Variants in DIAPH3 observed in about 807,000 individuals in gnomAD.
DIAPH3 encodes protein diaphanous homolog 3.
A neutral mutation model predicts 144.3 loss-of-function variants in DIAPH3; 117 were observed. The ratio of observed to expected loss-of-function variants is 0.81; its 90% CI spans 0.70 to 0.95. The LOEUF is 0.95. Among genes scored for constraint, DIAPH3 ranks in the 40% least tolerant of loss-of-function variants. The pLI, the probability that DIAPH3 is intolerant of heterozygous loss-of-function variation, is 0.00. For missense variants in DIAPH3, 1,421 were observed against 1,412.7 expected (o/e 1.01, Z -0.09); for synonymous variants, 519 against 488.9 (o/e 1.06, Z -0.81).
At chr13:59,977,690 C>T (rs2140652131) in intron 14 of DIAPH3, among the ~76,000 whole-genome samples, 1 of 151,682 alleles carries the variant, frequency 6.6e-6, no homozygotes, top group Non-Finnish European at 1.5e-5. Flanking sequence ...AAAAAGACTA[C>T]AGAATCCAAA....
intron 22 of DIAPH3, among the ~76,000 whole-genome samples, chr13:59,840,919 T>A (rs1399953848): frequency 6.6e-6 from 1 of 151,046 alleles, no homozygotes; most frequent in African/African-American, 2.4e-5. Flanking sequence ...TGTCTCAAAT[T>A]TAAGAATCAC....
intron 17 of DIAPH3, among the ~76,000 whole-genome samples, chr13:59,939,432 T>C (rs545813876): frequency 6.6e-6 from 1 of 152,300 alleles, no homozygotes; most frequent in East Asian, 1.9e-4. Context: ...CCCATATCAA[T>C]TACTCCGTCA....
At chr13:59,739,199 G>A (rs2036313926) in intron 27 of DIAPH3, among the ~76,000 whole-genome samples, 1 of 152,142 alleles carries the variant, frequency 6.6e-6, no homozygotes, top group South Asian at 2.1e-4. Context: ...TTAAGAATGT[G>A]ATCCTTTAGA....
At chr13:60,118,392 C>A (rs1257680258) in intron 2 of DIAPH3, among the ~76,000 whole-genome samples, 2 of 152,114 alleles carry the variant, frequency 1.3e-5, no homozygotes, top group African/African-American at 4.8e-5. Context: ...TACAATTTCA[C>A]AAGTATGAAA....
At chr13:59,993,714 A>AAAAAAAAAAAAAC (rs2051995796) in intron 9 of DIAPH3, among the ~76,000 whole-genome samples, 1 of 150,068 alleles carries the variant, frequency 6.7e-6, no homozygotes, top group Non-Finnish European at 1.5e-5. Context: ...AAAAAAAAAA[A>AAAAAAAAAAAAAC]AAAAAAAACT....
chr13:59,671,147 A>C (rs573619144), intron 27 of DIAPH3, among the ~76,000 whole-genome samples: 10 of 152,302 alleles, frequency 6.6e-5, no homozygotes, highest in African/African-American at 1.9e-4. Flanking sequence ...TTAGTTTCTA[A>C]ATGGTTGACT....
chr13:60,149,349 A>G (rs552734522), intron 1 of DIAPH3, among the ~76,000 whole-genome samples: 14 of 152,382 alleles, frequency 9.2e-5, no homozygotes, highest in Admixed American at 7.8e-4. Flanking sequence ...ATCAAGGGGC[A>G]TGCTAAGAGT....
chr13:59,827,744 A>C (rs549721243), intron 24 of DIAPH3, among the ~76,000 whole-genome samples: 58 of 152,112 alleles, frequency 3.8e-4, no homozygotes, highest in African/African-American at 1.3e-3. Flanking sequence ...AAGCAATTAG[A>C]TCAAAATCCT....
chr13:59,830,991 G>A (rs749591139), intron 24 of DIAPH3, among the ~76,000 whole-genome samples: 2 of 151,666 alleles, frequency 1.3e-5, no homozygotes, highest in African/African-American at 4.8e-5. Flanking sequence ...TAAGAGTTAG[G>A]GCCCTTAAAG....
intron 20 of DIAPH3, among the ~76,000 whole-genome samples, chr13:59,898,882 A>G (rs998119750): frequency 6.6e-6 from 1 of 152,160 alleles, no homozygotes; most frequent in Non-Finnish European, 1.5e-5. Flanking sequence ...TTAACATTTG[A>G]GTAGGTGGAC....
chr13:60,105,099 C>CAA (rs60853102), intron 3 of DIAPH3, among the ~76,000 whole-genome samples: 570 of 41,784 alleles, frequency 0.014, 46 homozygotes, highest in Non-Finnish European at 0.021. Context: ...GACACGATCT[C>CAA]AAAAAAAAAA....
rs1351745433 is a variant in DIAPH3 at position 59,856,615 on chromosome 13, T to C, written c.2737+4792A>G. 4.6e-5 allele frequency among the ~76,000 whole-genome samples: 7 copies of C among 152,282 alleles called. No homozygotes were observed. The East Asian group carries it at 1.4e-3, about 29-fold the overall frequency. ...TCTTCTTATAAGGACACAGGTCAGA[T>C]TGGATTAGGGATATCCTAATGATCT... is the stretch of plus-strand genomic sequence containing the variant. On this transcript the variant is annotated intron_variant, in intron 22 of 27. Transcript: ENST00000400324.
chr13:60,143,797 T>C (rs957583738), intron 1 of DIAPH3, among the ~76,000 whole-genome samples: 1 of 152,096 alleles, frequency 6.6e-6, no homozygotes, highest in Non-Finnish European at 1.5e-5. Context: ...GGCTCAAATA[T>C]GGGGGTTGAA....
intron 1 of DIAPH3, among the ~76,000 whole-genome samples, chr13:60,162,809 T>TCTCACACACACA (rs1555388530): frequency 9.0e-5 from 11 of 122,516 alleles, no homozygotes; most frequent in African/African-American, 3.0e-4. Flanking sequence ...TCTCTCTCTC[T>TCTCACACACACA]CACACACACA....
chr13:60,144,424 CACCT>C (rs1951412207), intron 1 of DIAPH3, among the ~76,000 whole-genome samples: 1 of 152,220 alleles, frequency 6.6e-6, no homozygotes, highest in Non-Finnish European at 1.5e-5. Context: ...ACAAGGTAGA[CACCT>C]GTGGGTGTAT....
At position 59,879,220 on chromosome 13, in the gene DIAPH3, C is replaced by G. The variant is rs111614387; in HGVS notation, c.2607+9G>C. 2 of 1,613,538 alleles carry G rather than the reference C, an allele frequency of 1.2e-6. No homozygotes were observed. The highest frequency in any genetic ancestry group is 4.5e-5 in the East Asian group (2 of 44,860). On this transcript the variant is annotated intron_variant, in intron 21 of 27. Transcript: ENST00000400324. ...AGGCAAATATGTGTTTTTAAAAAAA[C>G]AAACTCACTTTACAGAGAGAGCTAA...
intron 9 of DIAPH3, among the ~76,000 whole-genome samples, chr13:59,992,906 C>T (rs1195026012): frequency 6.7e-6 from 1 of 149,498 alleles, no homozygotes; most frequent in Non-Finnish European, 1.5e-5. Context: ...TAATATCACT[C>T]TACACACATA....
chr13:59,773,245 C>T (rs941282272), intron 27 of DIAPH3, among the ~76,000 whole-genome samples: 4 of 152,106 alleles, frequency 2.6e-5, no homozygotes, highest in African/African-American at 4.8e-5. Flanking sequence ...ACTTTACCTT[C>T]GGCAGTAAGG....
chr13:59,865,140 C>A (rs1350552748), intron 21 of DIAPH3, among the ~76,000 whole-genome samples: 2 of 151,936 alleles, frequency 1.3e-5, no homozygotes, highest in African/African-American at 4.8e-5. Context: ...CTACTCTATT[C>A]TCTCCCTCCC....
Sources: gnomAD v4.1 joint callset for allele counts (sites outside exome capture counted in the v4.1 genomes callset) on GRCh38, gnomAD v4.1.1 for gene constraint, MANE v1.5 for transcripts, NCBI Gene and HGNC (gene_info 2026-07-23, HGNC 2026-07-21) for gene names.